Variants in ILDR2 observed in about 807,000 individuals in gnomAD.
The protein encoded by ILDR2 is immunoglobulin like domain containing receptor 2.
Under a neutral mutation model 66.8 loss-of-function variants are expected in ILDR2, and 25 were observed. That is an observed-to-expected ratio of 0.37 (90% CI 0.27 to 0.52). ILDR2 has a LOEUF of 0.52. Among genes scored for constraint, ILDR2 ranks in the 20% least tolerant of loss-of-function variants. The pLI is 0.88. For missense variants in ILDR2, 827 were observed against 876.8 expected, an observed-to-expected ratio of 0.94 and a Z score of 0.72; for synonymous variants, 367 against 357.2, an observed-to-expected ratio of 1.03 and a Z score of -0.31.
chr1:166,960,178 G>C (rs552318869), intron 1 of ILDR2, among the ~76,000 whole-genome samples: 1 of 152,144 alleles, frequency 6.6e-6, no homozygotes, highest in African/African-American at 2.4e-5. Context: ...TGGGGAAAAG[G>C]GTTTCTGCAT....
Position 166,958,118 on chromosome 1 carries a change from A to T in ILDR2, c.47-17T>A. On this transcript the variant is annotated splice_polypyrimidine_tract_variant and intron_variant, in intron 1 of 9. Coordinates refer to ENST00000271417, the MANE Select transcript of ILDR2 (RefSeq NM_199351.3). ...CGACCATGGCTGCAAAACAGAATAAACATGTCCGAACAGTGTCCATATCCT... is the reference window on the plus strand; with the variant it reads ...CGACCATGGCTGCAAAACAGAATAATCATGTCCGAACAGTGTCCATATCCT... 6.3e-7 allele frequency: 1 copy of T among 1,588,108 alleles called. No homozygotes were observed. Among genetic ancestry groups the T allele is most frequent in the South Asian group, 1.1e-5 (1 of 88,832 alleles).
At chr1:166,900,017 T>C (rs1180211514) in intron 2 of ILDR2, among the ~76,000 whole-genome samples, 1 of 152,214 alleles carries the variant, frequency 6.6e-6, no homozygotes, top group Non-Finnish European at 1.5e-5. Flanking sequence ...TAAATTGTGC[T>C]GAATCCTAAT....
At chr1:166,940,791 GA>G (rs1179087775) in intron 3 of ILDR2, among the ~76,000 whole-genome samples, 2 of 152,206 alleles carry the variant, frequency 1.3e-5, no homozygotes, top group Admixed American at 6.5e-5. Flanking sequence ...CATCCATATA[GA>G]TATGGCTCAT....
intron 6 of ILDR2, 93 bp from the exon 7 acceptor site, chr1:166,927,273 C>A (rs1660357046): frequency 1.3e-6 from 1 of 750,232 alleles, no homozygotes; most frequent in African/African-American, 1.8e-5. Context: ...AATAGGGTTT[C>A]CAATTATAAC....
intron 2 of ILDR2, among the ~76,000 whole-genome samples, chr1:166,901,970 C>T (rs917942120): frequency 6.6e-6 from 1 of 152,222 alleles, no homozygotes; most frequent in Non-Finnish European, 1.5e-5. Flanking sequence ...AGGCGATTCT[C>T]CCGCCTCAGC....
chr1:166,920,789 C>CG lies in ILDR2; in HGVS notation c.1801dup (p.Arg601ProfsTer30). 1 of 1,525,754 alleles carries CG rather than the reference C, an allele frequency of 6.6e-7. No individual in the cohort carries two copies. The highest frequency in any genetic ancestry group is 8.8e-7 in the Non-Finnish European group (1 of 1,137,402). The allele number at this position is 1,525,754 out of a possible 1,614,324, so 94.5% of individuals were successfully genotyped here. ...GTCGCGGCCGCGGTAGGACGGGCCG[C>CG]GGGTCAGCTCCAGCTCGCTGTAGGG... On this transcript the variant is annotated frameshift_variant, in exon 9 of 10. Transcript: ENST00000271417. LOFTEE classifies it high-confidence loss of function.
chr1:166,927,148 CTT>C lies in ILDR2; in HGVS notation c.911_912del (p.Lys304ArgfsTer12). ...VRKGYRIQAD[K>X]ERDSMKVLYY... ...TACAGGACCTTCATGGAGTCTCTCT[CTT>C]TGTCAGCCTGGATCCGGTAACCTTT... On this transcript the variant is annotated frameshift_variant, in exon 7 of 10. Transcript: ENST00000271417. LOFTEE classifies it high-confidence loss of function. 6.2e-6 allele frequency: 10 copies of C among 1,613,820 alleles called. No individual in the cohort carries two copies. The highest frequency in any genetic ancestry group is 8.5e-6 in the Non-Finnish European group (10 of 1,179,890).
intron 3 of ILDR2, among the ~76,000 whole-genome samples, chr1:166,941,851 A>C (rs891525634): frequency 3.3e-5 from 5 of 152,228 alleles, no homozygotes; most frequent in Non-Finnish European, 7.3e-5. Flanking sequence ...CTGATGATAT[A>C]AGCTACCAAT....
At chr1:166,972,352 T>C (rs1663357638) in intron 1 of ILDR2, among the ~76,000 whole-genome samples, 1 of 152,238 alleles carries the variant, frequency 6.6e-6, no homozygotes. Flanking sequence ...CTCCAGCGTT[T>C]CTCACAGCCT....
chr1:166,972,648 A>G (rs1663377088), intron 1 of ILDR2, among the ~76,000 whole-genome samples: 1 of 152,190 alleles, frequency 6.6e-6, no homozygotes, highest in Non-Finnish European at 1.5e-5. Context: ...GCCTGGAGGA[A>G]AAAACTGAAG....
At chr1:166,962,244 G>T (rs570490898) in intron 1 of ILDR2, among the ~76,000 whole-genome samples, 1 of 152,252 alleles carries the variant, frequency 6.6e-6, no homozygotes, top group Admixed American at 6.5e-5. Flanking sequence ...CCTAACCCTG[G>T]ATCCCTGGTG....
intron 3 of ILDR2, among the ~76,000 whole-genome samples, chr1:166,946,262 T>C (rs536017551): frequency 6.6e-6 from 1 of 152,238 alleles, no homozygotes; most frequent in Non-Finnish European, 1.5e-5. Flanking sequence ...TTTATGACTA[T>C]CACAAATGTG....
chr1:166,924,665 A>C (rs1660167395), intron 7 of ILDR2, among the ~76,000 whole-genome samples: 1 of 152,196 alleles, frequency 6.6e-6, no homozygotes, highest in African/African-American at 2.4e-5. Context: ...AAGCAGTCAT[A>C]GATGCAACAT....
chr1:166,920,615 A>G (rs937813850), intron 9 of ILDR2, 92 bp downstream of exon 9: 4 of 1,290,004 alleles, frequency 3.1e-6, no homozygotes, highest in Admixed American at 8.2e-5. Flanking sequence ...CCGCCTCGCC[A>G]CCTCCCCGGC....
At chr1:166,940,866 G>A (rs1050888308) in intron 3 of ILDR2, among the ~76,000 whole-genome samples, 2 of 152,142 alleles carry the variant, frequency 1.3e-5, no homozygotes, top group African/African-American at 4.8e-5. Flanking sequence ...TTACTCATGT[G>A]TGTGGTTCAT....
chr1:166,911,728 G>A lies in ILDR2; in HGVS notation c.*7627C>T, dbSNP rs1659479527. ...AATTTGAAAAAGAACTAAACTCCTA[G>A]AAATGAAATACATATTAATTAAAAT... On this transcript the variant is annotated 3_prime_UTR_variant, in exon 10 of 10. Coordinates refer to ENST00000271417, the MANE Select transcript of ILDR2 (RefSeq NM_199351.3). The A allele has an allele frequency of 6.7e-6, 1 of 149,476 alleles. No individual in the cohort carries two copies. Among genetic ancestry groups the A allele is most frequent in the Admixed American group, 6.6e-5 (1 of 15,040 alleles). 9.3% of individuals were successfully genotyped at this position (149,476 alleles called of 1,614,324 possible).
At position 166,912,438 on chromosome 1, in the gene ILDR2, T is replaced by C. The variant is rs1034680568; in HGVS notation, c.*6917A>G. 5.9e-5 allele frequency: 9 copies of C among 152,162 alleles called. No individual in the cohort carries two copies. The highest frequency in any genetic ancestry group is 1.9e-4 in the African/African-American group (8 of 41,458). 9.4% of individuals were successfully genotyped at this position (152,162 alleles called of 1,614,324 possible). ...ATGTGTAGAAAAAACACGTGGGTGA[T>C]TCTAAACAAATACTTTATAAATAAA... On this transcript the variant is annotated 3_prime_UTR_variant, in exon 10 of 10. Transcript: ENST00000271417.
chr1:166,909,374 G>T lies in ILDR2; in HGVS notation c.*9981C>A, dbSNP rs1415696647. On this transcript the variant is annotated 3_prime_UTR_variant, in exon 10 of 10. Transcript: ENST00000271417. The stretch of plus-strand genomic sequence containing the variant: ...TAAATCTTACTACATTGAGACCCAG[G>T]TTTGTTCTCAGTTCCTACAGCTCTT... 6.6e-6 allele frequency: 1 copy of T among 152,052 alleles called. No individual in the cohort carries two copies. Among genetic ancestry groups the T allele is most frequent in the Non-Finnish European group, 1.5e-5 (1 of 68,030 alleles). 9.4% of individuals were successfully genotyped at this position (152,052 alleles called of 1,614,324 possible). A position where few individuals can be genotyped will look rare whatever the true frequency, so the allele number is the denominator to read the frequency against.
intron 1 of ILDR2, among the ~76,000 whole-genome samples, chr1:166,965,699 C>T (rs929878539): frequency 5.3e-5 from 8 of 150,948 alleles, no homozygotes; most frequent in South Asian, 2.1e-4. Context: ...CAGCCTCCCA[C>T]GTAGCTGGGA....
Sources: gnomAD v4.1 joint callset for allele counts (sites outside exome capture counted in the v4.1 genomes callset) on GRCh38, gnomAD v4.1.1 for gene constraint, MANE v1.5 for transcripts, NCBI Gene and HGNC (gene_info 2026-07-23, HGNC 2026-07-21) for gene names.